CCSER1: variants seen among roughly 807,000 people sequenced by gnomAD.
CCSER1 encodes the protein serine-rich coiled-coil domain-containing protein 1.
Under a neutral mutation model 82.0 loss-of-function variants are expected in CCSER1, and 41 were observed. The observed-to-expected ratio is 0.50, with a 90% CI of 0.39 to 0.65. CCSER1 has a LOEUF of 0.65. Among genes scored for constraint, CCSER1 ranks in the 30% least tolerant of loss-of-function variants. The probability of loss-of-function intolerance (pLI) is 0.00; values close to 1 mark genes in which losing one functional copy is unlikely to be tolerated. For missense variants in CCSER1, 1,119 were observed against 1,064.2 expected (o/e 1.05, Z -0.72); for synonymous variants, 414 against 383.9 (o/e 1.08, Z -0.92).
At chr4:90,998,808 G>A (rs991227981) in intron 9 of CCSER1, among the ~76,000 whole-genome samples, 7 of 151,652 alleles carry the variant, frequency 4.6e-5, no homozygotes, top group African/African-American at 1.7e-4. Context: ...GCTGAGGTTT[G>A]GGGTATGAAT....
At chr4:91,451,017 C>A (rs552004620) in intron 10 of CCSER1, among the ~76,000 whole-genome samples, 18 of 152,036 alleles carry the variant, frequency 1.2e-4, no homozygotes, top group Non-Finnish European at 2.4e-4. Flanking sequence ...TCTCACATTT[C>A]TGGAGGCTGG....
In CCSER1 at chr4:91,548,022, A is replaced by T. The variant is rs548231704; in HGVS notation, c.2218-50550A>T. Among the ~76,000 whole-genome samples, 17 of 152,258 alleles carry T rather than the reference A, an allele frequency of 1.1e-4. 1 individual carries two copies. In the South Asian group the frequency reaches 3.5e-3, roughly 32 times the overall value. On this transcript the variant is annotated intron_variant, in intron 10 of 10. Coordinates refer to ENST00000509176, the MANE Select transcript of CCSER1 (RefSeq NM_001145065.2). ...GGTTTCAAACTCCCGAGCTCAGGCA[A>T]TCCACCTGCCTTGGCCTCCTAAAAT...
chr4:90,374,549 A>G (rs1747987639), intron 3 of CCSER1, among the ~76,000 whole-genome samples: 1 of 152,108 alleles, frequency 6.6e-6, no homozygotes, highest in African/African-American at 2.4e-5. Flanking sequence ...GTCATTCTGA[A>G]TATATATTAG....
At chr4:90,489,684 A>G (rs1374750144) in intron 5 of CCSER1, among the ~76,000 whole-genome samples, 1 of 152,048 alleles carries the variant, frequency 6.6e-6, no homozygotes, top group Non-Finnish European at 1.5e-5. Flanking sequence ...ACCCAACCCC[A>G]TGACAGGCCC....
intron 8 of CCSER1, among the ~76,000 whole-genome samples, chr4:90,885,685 A>G (rs1384859828): frequency 6.6e-6 from 1 of 152,172 alleles, no homozygotes; most frequent in Non-Finnish European, 1.5e-5. Flanking sequence ...TTGTGAAAAA[A>G]TATGATCAGT....
intron 9 of CCSER1, among the ~76,000 whole-genome samples, chr4:91,032,952 C>T (rs528836369): frequency 4.4e-4 from 67 of 152,186 alleles, no homozygotes; most frequent in Non-Finnish European, 1.5e-4. Context: ...CTTCCACCTC[C>T]CCGGGAATGG....
chr4:91,389,505 G>A (rs1751519628), intron 10 of CCSER1, among the ~76,000 whole-genome samples: 2 of 151,840 alleles, frequency 1.3e-5, no homozygotes, highest in African/African-American at 2.4e-5. Flanking sequence ...TCAAAGTTAG[G>A]TAGTGTCCGT....
intron 1 of CCSER1, among the ~76,000 whole-genome samples, chr4:90,196,768 C>T (rs1348482903): frequency 6.6e-6 from 1 of 151,554 alleles, no homozygotes; most frequent in Admixed American, 6.6e-5. Context: ...ATAACTGTAA[C>T]ATTTTACAGA....
chr4:91,208,960 A>G (rs1356437188), intron 10 of CCSER1, among the ~76,000 whole-genome samples: 1 of 151,332 alleles, frequency 6.6e-6, no homozygotes, highest in Non-Finnish European at 1.5e-5. Context: ...TAGGTATTTT[A>G]TTCTTTTTGT....
chr4:91,253,558 T>C (rs1740431888), intron 10 of CCSER1, among the ~76,000 whole-genome samples: 1 of 152,152 alleles, frequency 6.6e-6, no homozygotes, highest in Admixed American at 6.5e-5. Flanking sequence ...AAATATATTC[T>C]AAGGATTTAG....
rs542397231 is a variant in CCSER1, at chr4:90,874,159, A to G, written c.2095-49211A>G. Among the ~76,000 whole-genome samples the G allele has an allele frequency of 2.6e-5, 4 of 152,280 alleles. No homozygotes were observed. In the East Asian group the frequency reaches 5.8e-4, roughly 22 times the overall value. On this transcript the variant is annotated intron_variant, in intron 8 of 10. Coordinates refer to ENST00000509176, the MANE Select transcript of CCSER1 (RefSeq NM_001145065.2). ...GCTTCTTTCTACCTAACACTGCTGT[A>G]GAAGCATTTATTTCCTCTCATATTT...
chr4:90,391,272 C>CG (rs1750986154), intron 3 of CCSER1, among the ~76,000 whole-genome samples: 3 of 35,034 alleles, frequency 8.6e-5, no homozygotes, highest in African/African-American at 7.8e-4. Flanking sequence ...GACTCTGTCT[C>CG]AAAAAAAAAA....
Position 91,061,565 on chromosome 4 carries a change from A to T in CCSER1, c.2173-24385A>T, listed in dbSNP as rs1743957673. On this transcript the variant is annotated intron_variant, in intron 9 of 10. Coordinates refer to ENST00000509176, the MANE Select transcript of CCSER1 (RefSeq NM_001145065.2). Reference sequence around the variant, plus strand: ...TATTTTATTTTTTTCTGTCTAACTTAAGATTAAATTCAAATTTCCCTGAAG... The same window carrying T: ...TATTTTATTTTTTTCTGTCTAACTTTAGATTAAATTCAAATTTCCCTGAAG... Among the ~76,000 whole-genome samples the T allele has an allele frequency of 2.6e-5, 4 of 151,968 alleles. No individual in the cohort carries two copies. In the South Asian group the frequency reaches 8.3e-4, roughly 31 times the overall value.
chr4:90,161,728 A>G (rs1305172631), intron 1 of CCSER1, among the ~76,000 whole-genome samples: 1 of 152,128 alleles, frequency 6.6e-6, no homozygotes, highest in Non-Finnish European at 1.5e-5. Flanking sequence ...TGAAGTCTTT[A>G]TTTCTCTGTG....
intron 8 of CCSER1, among the ~76,000 whole-genome samples, chr4:90,883,707 C>T (rs1020056488): frequency 8.5e-5 from 13 of 152,186 alleles, no homozygotes; most frequent in South Asian, 6.2e-4. Context: ...AGCCTTCTGT[C>T]ATTCTGTCAC....
chr4:90,885,947 C>T (rs537880057), intron 8 of CCSER1, among the ~76,000 whole-genome samples: 1 of 152,186 alleles, frequency 6.6e-6, no homozygotes, highest in African/African-American at 2.4e-5. Context: ...ACTTCTGCAT[C>T]TTGGTGTCAG....
At chr4:91,595,349 C>T (rs1289456104) in intron 10 of CCSER1, among the ~76,000 whole-genome samples, 2 of 152,136 alleles carry the variant, frequency 1.3e-5, no homozygotes, top group African/African-American at 4.8e-5. Flanking sequence ...AGTCTGTGTT[C>T]TGTGGAACCA....
intron 10 of CCSER1, among the ~76,000 whole-genome samples, chr4:91,271,791 G>A (rs1044242750): frequency 6.6e-6 from 1 of 151,944 alleles, no homozygotes; most frequent in Non-Finnish European, 1.5e-5. Flanking sequence ...TTTCGCTCTT[G>A]TTGCCCAGGC....
At chr4:90,399,708 A>G (rs977741655) in intron 3 of CCSER1, among the ~76,000 whole-genome samples, 4 of 152,104 alleles carry the variant, frequency 2.6e-5, no homozygotes, top group Non-Finnish European at 4.4e-5. Context: ...TATTTCTCAT[A>G]TCAAGAAATC....
Sources: gnomAD v4.1 joint callset for allele counts (sites outside exome capture counted in the v4.1 genomes callset) on GRCh38, gnomAD v4.1.1 for gene constraint, MANE v1.5 for transcripts, NCBI Gene and HGNC (gene_info 2026-07-23, HGNC 2026-07-21) for gene names.